The following TMEM123 variants were observed in gnomAD, a reference collection of about 807,000 sequenced individuals.
TMEM123 encodes transmembrane protein 123.
A neutral mutation model predicts 19.7 loss-of-function variants in TMEM123; 16 were observed. That is an observed-to-expected ratio of 0.81 (90% CI 0.55 to 1.23). TMEM123 has a LOEUF of 1.23. Ranked by LOEUF, TMEM123 falls within the 50% of genes most tolerant of loss-of-function variation. The pLI is 0.00. For missense variants in TMEM123, 313 were observed against 257.8 expected, an observed-to-expected ratio of 1.21 and a Z score of -1.47; for synonymous variants, 118 against 99.4, an observed-to-expected ratio of 1.19 and a Z score of -1.12.
rs1252303482 is a variant in TMEM123, at chr11:102,401,941, C to T, written c.423G>A (p.Val141=). 3.1e-6 allele frequency: 5 copies of T among 1,614,078 alleles called. No homozygotes were observed. The highest frequency in any genetic ancestry group is 4.2e-6 in the Non-Finnish European group (5 of 1,179,994). Residue 141 remains valine, a synonymous_variant, in exon 3 of 5, where the codon GTG becomes GTA. Transcript: ENST00000398136. ...TTGTTACTGATGAAGCAGCAGATGT[C>T]ACTGAACTATTGTGGGTTACGGTCA... is the stretch of plus-strand genomic sequence containing the variant. ...STMTVTHNSS[V]TSAASSVTIT...
intron 2 of TMEM123, among the ~76,000 whole-genome samples, chr11:102,405,735 G>A (rs905449305): frequency 3.9e-5 from 6 of 152,070 alleles, no homozygotes; most frequent in African/African-American, 1.4e-4. Flanking sequence ...CAAAGATACT[G>A]TACAAAGTCA....
In TMEM123 at chr11:102,404,474, G is replaced by T. The variant is rs1043621646; in HGVS notation, c.158-2268C>A. Among the ~76,000 whole-genome samples, 47 of 152,012 alleles carry T rather than the reference G, an allele frequency of 3.1e-4. 1 individual carries two copies. Among genetic ancestry groups the T allele is most frequent in the Non-Finnish European group, 2.9e-4 (20 of 68,012 alleles). On this transcript the variant is annotated intron_variant, in intron 2 of 4. Transcript: ENST00000398136. ...AATTTTTGTATTTTTAGTAGAGACA[G>T]CGCTTCACCATGTTGGCCAGGCTCG...
intron 2 of TMEM123, 84 bp from the exon 3 acceptor site, chr11:102,402,290 G>A: frequency 7.2e-7 from 1 of 1,387,478 alleles, no homozygotes; most frequent in African/African-American, 1.4e-5. Flanking sequence ...CATGGTCACA[G>A]ACAAAGCAAG....
chr11:102,427,705 G>A (rs936725354), intron 2 of TMEM123, among the ~76,000 whole-genome samples: 1 of 151,334 alleles, frequency 6.6e-6, no homozygotes, highest in African/African-American at 2.4e-5. Context: ...AGGCGTGGTG[G>A]TACACACCTG....
chr11:102,425,630 T>C (rs1213975140), intron 2 of TMEM123, among the ~76,000 whole-genome samples: 1 of 148,124 alleles, frequency 6.8e-6, no homozygotes, highest in East Asian at 2.0e-4. Context: ...TTGCCCAGGC[T>C]AGAAGTGCAG....
chr11:102,437,348 AC>A (rs1193372982), intron 2 of TMEM123, among the ~76,000 whole-genome samples: 2 of 151,906 alleles, frequency 1.3e-5, no homozygotes, highest in African/African-American at 2.4e-5. Context: ...AATCTCAGCT[AC>A]TTGGGAGGCT....
chr11:102,414,587 C>A (rs1412320050), intron 2 of TMEM123, among the ~76,000 whole-genome samples: 1 of 152,232 alleles, frequency 6.6e-6, no homozygotes, highest in African/African-American at 2.4e-5. Flanking sequence ...AATGTCGTAT[C>A]TAGCTAAGCT....
intron 2 of TMEM123, among the ~76,000 whole-genome samples, chr11:102,409,401 ACT>A (rs1951983120): frequency 3.3e-5 from 5 of 152,212 alleles, no homozygotes; most frequent in African/African-American, 9.6e-5. Context: ...TACCCCATCA[ACT>A]AAATATCAGT....
intron 2 of TMEM123, among the ~76,000 whole-genome samples, chr11:102,407,406 A>G (rs774318628): frequency 3.9e-5 from 6 of 152,190 alleles, no homozygotes; most frequent in Non-Finnish European, 8.8e-5. Flanking sequence ...TAGAGCCACC[A>G]GGGGAAGGCT....
intron 2 of TMEM123, among the ~76,000 whole-genome samples, chr11:102,415,900 A>G (rs201705990): frequency 1.7e-3 from 36 of 21,382 alleles, no homozygotes; most frequent in African/African-American, 5.6e-3. Context: ...GGTGGTTGTT[A>G]TTATTATTAT....
chr11:102,439,016 G>A (rs1418898994), intron 2 of TMEM123, among the ~76,000 whole-genome samples: 1 of 152,232 alleles, frequency 6.6e-6, no homozygotes, highest in Non-Finnish European at 1.5e-5. Context: ...AGATCAAACT[G>A]CAAGGCCGCA....
At chr11:102,409,568 T>C (rs80020360) in intron 2 of TMEM123, among the ~76,000 whole-genome samples, 7,566 of 152,036 alleles carry the variant, frequency 0.05, 235 homozygotes, top group Non-Finnish European at 0.074. Flanking sequence ...AAAAAGATCT[T>C]TTAAAAAACC....
intron 2 of TMEM123, among the ~76,000 whole-genome samples, chr11:102,424,419 C>CGTGA (rs1274407500): frequency 1.9e-4 from 29 of 152,334 alleles, no homozygotes; most frequent in South Asian, 6.2e-4. Flanking sequence ...GGCACAGTGG[C>CGTGA]TCACGCCTAT....
chr11:102,438,313 G>A (rs562356983), intron 2 of TMEM123, among the ~76,000 whole-genome samples: 1 of 152,176 alleles, frequency 6.6e-6, no homozygotes, highest in East Asian at 1.9e-4. Context: ...CAGCCTCCCA[G>A]AGTGCTGGGA....
In TMEM123 at chr11:102,448,774, C is replaced by T. The variant is rs367668851; in HGVS notation, c.157+38G>A. On this transcript the variant is annotated intron_variant, in intron 2 of 4. Coordinates refer to ENST00000398136, the MANE Select transcript of TMEM123 (RefSeq NM_052932.3). ...CTGTTATTACTTCATGTACCCTAGA[C>T]AAATGAAAATTTGTTTTTTTAATCT... is the stretch of plus-strand genomic sequence containing the variant. 2,101 of 1,600,810 alleles carry T rather than the reference C, an allele frequency of 1.3e-3. 2 individuals carry two copies. The highest frequency in any genetic ancestry group is 1.7e-3 in the Non-Finnish European group (2,016 of 1,170,154).
In TMEM123 at chr11:102,397,363, C is replaced by T. The variant is rs1011274045; in HGVS notation, c.*1504G>A. ...ACATCTGAGCTATTTTTAGGACCTT[C>T]AGAAACTGGTGTGATTCACTTTGGC... is the stretch of plus-strand genomic sequence containing the variant. On this transcript the variant is annotated 3_prime_UTR_variant, in exon 5 of 5. Transcript: ENST00000398136. The T allele has an allele frequency of 3.9e-5, 6 of 152,170 alleles. No individual in the cohort carries two copies. The highest frequency in any genetic ancestry group is 1.4e-4 in the African/African-American group (6 of 41,448). 9.4% of individuals were successfully genotyped at this position (152,170 alleles called of 1,614,324 possible).
intron 2 of TMEM123, among the ~76,000 whole-genome samples, chr11:102,418,917 C>T (rs1952062152): frequency 6.6e-6 from 1 of 152,182 alleles, no homozygotes; most frequent in Non-Finnish European, 1.5e-5. Flanking sequence ...AACAGAAAAT[C>T]AAATACTGCA....
At chr11:102,405,668 G>A (rs747409235) in intron 2 of TMEM123, among the ~76,000 whole-genome samples, 10 of 151,850 alleles carry the variant, frequency 6.6e-5, no homozygotes, top group Admixed American at 3.3e-4. Context: ...TGCTGCTTTC[G>A]GATTCAACAC....
chr11:102,443,775 G>GA (rs1277567134), intron 2 of TMEM123, among the ~76,000 whole-genome samples: 1 of 152,086 alleles, frequency 6.6e-6, no homozygotes, highest in Non-Finnish European at 1.5e-5. Context: ...CAGAATGGGA[G>GA]AAAATTTTTT....
Sources: gnomAD v4.1 joint callset for allele counts (sites outside exome capture counted in the v4.1 genomes callset) on GRCh38, gnomAD v4.1.1 for gene constraint, MANE v1.5 for transcripts, NCBI Gene and HGNC (gene_info 2026-07-23, HGNC 2026-07-21) for gene names.